CMIP: variants seen among roughly 807,000 people sequenced by gnomAD.
CMIP encodes c-Maf inducing protein.
In CMIP, 13 loss-of-function variants were observed where a neutral mutation model predicts 97.3. The observed-to-expected ratio is 0.13, with a 90% CI of 0.09 to 0.21. CMIP has a LOEUF of 0.21. Ranked by LOEUF, CMIP falls within the 10% of genes least tolerant of loss-of-function variation. CMIP has a pLI of 1.00. For synonymous variants in CMIP, 538 were observed against 436.3 expected, an observed-to-expected ratio of 1.23 and a Z score of -2.91; for missense variants, 847 against 1,024.9, an observed-to-expected ratio of 0.83 and a Z score of 2.37.
chr16:81,525,263 C>T (rs7201762), intron 1 of CMIP, among the ~76,000 whole-genome samples: 7,907 of 152,094 alleles, frequency 0.052, 241 homozygotes, highest in Middle Eastern at 0.085. Context: ...CATGTCTCAG[C>T]CTCCCAAGTA....
intron 1 of CMIP, among the ~76,000 whole-genome samples, chr16:81,561,619 G>A (rs1157540494): frequency 1.3e-5 from 2 of 152,138 alleles, no homozygotes; most frequent in Non-Finnish European, 2.9e-5. Flanking sequence ...CAATTGCCCC[G>A]GCCTTGAGTT....
chr16:81,706,979 C>G, intron 19 of CMIP, 35 bp from the exon 20 acceptor site: 1 of 1,597,628 alleles, frequency 6.3e-7, no homozygotes, highest in Admixed American at 1.7e-5. Flanking sequence ...TTTGGGGCCT[C>G]GCTCTCCTAA....
At chr16:81,542,812 G>A (rs1479999863) in intron 1 of CMIP, among the ~76,000 whole-genome samples, 1 of 152,130 alleles carries the variant, frequency 6.6e-6, no homozygotes, top group African/African-American at 2.4e-5. Context: ...CCTCCCAAAG[G>A]CCCCACCTCC....
chr16:81,555,668 A>G (rs915889415), intron 1 of CMIP, among the ~76,000 whole-genome samples: 7 of 152,200 alleles, frequency 4.6e-5, no homozygotes, highest in African/African-American at 1.7e-4. Flanking sequence ...TGAAGTCACC[A>G]TCTTCATGGG....
At chr16:81,467,592 T>A (rs1421951244) in intron 1 of CMIP, among the ~76,000 whole-genome samples, 2 of 151,708 alleles carry the variant, frequency 1.3e-5, no homozygotes, top group Non-Finnish European at 2.9e-5. Context: ...TTTATTTTTT[T>A]TTTTTTGAGA....
At chr16:81,709,282 C>G (rs1041411997) in intron 20 of CMIP, among the ~76,000 whole-genome samples, 1 of 152,274 alleles carries the variant, frequency 6.6e-6, no homozygotes, top group East Asian at 1.9e-4. Context: ...AAAATGAGAA[C>G]AATTTCCTTT....
At chr16:81,472,559 C>T (rs1338251534) in intron 1 of CMIP, among the ~76,000 whole-genome samples, 1 of 152,184 alleles carries the variant, frequency 6.6e-6, no homozygotes, top group African/African-American at 2.4e-5. Flanking sequence ...CCTAGGGTGC[C>T]CCAACATGGG....
chr16:81,571,102 G>T (rs1301730273), intron 1 of CMIP, among the ~76,000 whole-genome samples: 1 of 152,194 alleles, frequency 6.6e-6, no homozygotes, highest in East Asian at 1.9e-4. Flanking sequence ...GTGGGTATGC[G>T]TATGGGAACT....
intron 7 of CMIP, among the ~76,000 whole-genome samples, chr16:81,668,514 C>A (rs571822835): frequency 2.0e-5 from 3 of 152,258 alleles, no homozygotes; most frequent in Non-Finnish European, 4.4e-5. Context: ...TGGAAGAGGC[C>A]GAGCACGGCA....
At chr16:81,664,483 A>G in intron 7 of CMIP, 134 bp downstream of exon 7, 1 of 769,244 alleles carries the variant, frequency 1.3e-6, no homozygotes, top group Middle Eastern at 3.8e-4. Flanking sequence ...ACTGGGGTTG[A>G]GATTCTGGTT....
intron 1 of CMIP, among the ~76,000 whole-genome samples, chr16:81,570,762 G>T (rs2091073591): frequency 6.6e-6 from 1 of 152,120 alleles, no homozygotes; most frequent in South Asian, 2.1e-4. Context: ...CTGGTTCCAG[G>T]TCCCCATTCT....
intron 10 of CMIP, among the ~76,000 whole-genome samples, chr16:81,689,975 T>A (rs890928420): frequency 6.6e-6 from 1 of 152,128 alleles, no homozygotes; most frequent in Middle Eastern, 3.2e-3. Context: ...AGATGTGTGG[T>A]ATTATTTCTG....
chr16:81,552,265 A>T (rs1351839358), intron 1 of CMIP, among the ~76,000 whole-genome samples: 1 of 152,036 alleles, frequency 6.6e-6, no homozygotes, highest in East Asian at 1.9e-4. Context: ...TGGGCTGATA[A>T]GGGCTGGCTG....
intron 1 of CMIP, among the ~76,000 whole-genome samples, chr16:81,500,272 G>GTCCGTCCGTCCTTCCT (rs1567546095): frequency 6.2e-5 from 4 of 64,836 alleles, no homozygotes; most frequent in African/African-American, 1.2e-4. Flanking sequence ...CCTTCCTTCC[G>GTCCGTCCGTCCTTCCT]TCCTTCCTTC....
intron 1 of CMIP, among the ~76,000 whole-genome samples, chr16:81,578,068 C>A (rs1422010839): frequency 6.6e-6 from 1 of 152,034 alleles, no homozygotes; most frequent in Non-Finnish European, 1.5e-5. Context: ...TCACCATCAT[C>A]ACCATCACCT....
chr16:81,562,605 C>T (rs954100768), intron 1 of CMIP, among the ~76,000 whole-genome samples: 9 of 152,202 alleles, frequency 5.9e-5, no homozygotes, highest in Admixed American at 2.6e-4. Flanking sequence ...TTCCTAGCCA[C>T]GCCCACGCCC....
At chr16:81,479,309 G>C (rs1382990911) in intron 1 of CMIP, among the ~76,000 whole-genome samples, 3 of 152,184 alleles carry the variant, frequency 2.0e-5, no homozygotes, top group Admixed American at 1.3e-4. Flanking sequence ...TGAATGTCTT[G>C]AGGGACTGTC....
Position 81,573,488 on chromosome 16 carries a change from A to T in CMIP, c.301-34079A>T, listed in dbSNP as rs575853260. 2.0e-5 allele frequency among the ~76,000 whole-genome samples: 3 copies of T among 152,328 alleles called. No homozygotes were observed. In the East Asian group the frequency reaches 5.8e-4, roughly 29 times the overall value. ...AAGGTTTTGGAAAGAAGTGGAGAGG[A>T]ATTCCACCTTTGGCCTGGGATGCAG... On this transcript the variant is annotated intron_variant, in intron 1 of 20. Coordinates refer to ENST00000537098, the MANE Select transcript of CMIP (RefSeq NM_198390.3).
intron 1 of CMIP, among the ~76,000 whole-genome samples, chr16:81,479,589 T>G (rs1422776579): frequency 6.6e-6 from 1 of 152,186 alleles, no homozygotes; most frequent in Non-Finnish European, 1.5e-5. Context: ...TATGAATGGG[T>G]TAATATAGGA....
Sources: gnomAD v4.1 joint callset for allele counts (sites outside exome capture counted in the v4.1 genomes callset) on GRCh38, gnomAD v4.1.1 for gene constraint, MANE v1.5 for transcripts, NCBI Gene and HGNC (gene_info 2026-07-23, HGNC 2026-07-21) for gene names.